The following CRTC2 variants were observed in gnomAD, a reference collection of about 807,000 sequenced individuals.
The protein encoded by CRTC2 is CREB-regulated transcription coactivator 2.
Under a neutral mutation model 70.9 loss-of-function variants are expected in CRTC2, and 25 were observed. The observed-to-expected ratio is 0.35, with a 90% CI of 0.26 to 0.49. CRTC2 has a LOEUF of 0.49. CRTC2 is among the 20% of genes least tolerant of loss of function. CRTC2 has a pLI of 0.98. For synonymous variants in CRTC2, 330 were observed against 364.1 expected (o/e 0.91, Z 1.07); for missense variants, 737 against 882.6 (o/e 0.83, Z 2.09).
chr1:153,952,975 A>G, intron 6 of CRTC2, 141 bp from the exon 7 acceptor site: 1 of 1,022,904 alleles, frequency 9.8e-7, no homozygotes, highest in Non-Finnish European at 1.5e-6. Context: ...CGAGGTCAGG[A>G]GTTCAAGACC....
chr1:153,948,769 G>A, intron 12 of CRTC2, 125 bp from the exon 13 acceptor site: 1 of 1,110,536 alleles, frequency 9.0e-7, no homozygotes, highest in Non-Finnish European at 1.3e-6. Context: ...AATGACAGAG[G>A]GAGGTGGCAG....
chr1:153,954,609 C>CA (rs371988210), intron 3 of CRTC2, among the ~76,000 whole-genome samples: 11 of 152,196 alleles, frequency 7.2e-5, no homozygotes, highest in Admixed American at 2.0e-4. Context: ...TAGCAGGAGA[C>CA]AAGGAAGGCT....
At position 153,951,557 on chromosome 1, in the gene CRTC2, G is replaced by T; in HGVS notation, c.1107C>A (p.His369Gln). 6.2e-7 allele frequency: 1 copy of T among 1,611,098 alleles called. No homozygotes were observed. Among genetic ancestry groups the T allele is most frequent in the Non-Finnish European group, 8.5e-7 (1 of 1,178,460 alleles). Residue 369 changes from histidine (H) to glutamine (Q), a missense_variant, in exon 11 of 14, where the codon CAC becomes CAA. His to Gln is a conservative substitution (Grantham distance 24). This residue lies in a region of CRTC2 where 699 missense variants were observed against 823.7 expected (regional missense o/e 0.85). Coordinates refer to ENST00000368633, the MANE Select transcript of CRTC2 (RefSeq NM_181715.3). Reference sequence around the variant, plus strand: ...CCAAGGAGGAGGCAGGCAGAGAGGGGTGGCTGTGGGAGCCCTGAAGCTGGG... The same window carrying T: ...CCAAGGAGGAGGCAGGCAGAGAGGGTTGGCTGTGGGAGCCCTGAAGCTGGG... ...PQPQLQGSHS[H>Q]PSLPASSLAR...
Position 153,948,568 on chromosome 1 carries a change from A to G in CRTC2, c.1751T>C (p.Phe584Ser). ...DPPGFSEGPG[F>S]LGGEGPMGGP... The stretch of plus-strand genomic sequence containing the variant: ...ACCCATTGGCCCCTCACCCCCTAAA[A>G]ATCCAGGCCCTTCAGAAAAGCCAGG... The change falls in exon 13 of 14, where the codon TTT becomes TCT. Residue 584 changes from phenylalanine (F) to serine (S), a missense_variant. Around this residue, in one of 3 missense-constraint regions of CRTC2, gnomAD observed 699 missense variants for 823.7 expected, o/e 0.85. Coordinates refer to ENST00000368633, the MANE Select transcript of CRTC2 (RefSeq NM_181715.3). 1 of 1,610,512 alleles carries G rather than the reference A, an allele frequency of 6.2e-7. No homozygotes were observed. The highest frequency in any genetic ancestry group is 8.5e-7 in the Non-Finnish European group (1 of 1,178,682).
At chr1:153,952,745 C>T in intron 7 of CRTC2, 60 bp downstream of exon 7, 1 of 1,612,194 alleles carries the variant, frequency 6.2e-7, no homozygotes, top group Middle Eastern at 1.7e-4. Context: ...TGCACACAAT[C>T]CCAACACCAG....
intron 1 of CRTC2, among the ~76,000 whole-genome samples, chr1:153,955,711 G>T (rs1680588245): frequency 1.4e-5 from 2 of 141,100 alleles, no homozygotes; most frequent in South Asian, 2.4e-4. Flanking sequence ...AAAAAATAAA[G>T]AAATTATCTG....
rs1200830797 is a variant in CRTC2, at chr1:153,953,251, G to A, written c.607+15C>T. On this transcript the variant is annotated intron_variant, in intron 6 of 13. Coordinates refer to ENST00000368633, the MANE Select transcript of CRTC2 (RefSeq NM_181715.3). ...GCTCCATGGTTACTCCCAACCCTGG[G>A]ACAGGGCCACTTACCCCCACGTCGG... 6.8e-7 allele frequency: 1 copy of A among 1,467,416 alleles called. No homozygotes were observed. Among genetic ancestry groups the A allele is most frequent in the Non-Finnish European group, 9.3e-7 (1 of 1,071,618 alleles). The allele number at this position is 1,467,416 out of a possible 1,614,324, so 90.9% of individuals were successfully genotyped here.
chr1:153,948,491 G>A lies in CRTC2; in HGVS notation c.1828C>T (p.Arg610Cys), dbSNP rs768140494. Reference sequence around the variant, plus strand: ...ATGATGTTAGGCCCTGAGCCATGGCGGGAACAGTGGGTCAAGTTCTGGTGG... The same window carrying A: ...ATGATGTTAGGCCCTGAGCCATGGCAGGAACAGTGGGTCAAGTTCTGGTGG... ...FNHQNLTHCSRHGSGPNIILT... is the reference protein window; with the variant it reads ...FNHQNLTHCSCHGSGPNIILT... The change falls in exon 13 of 14, where the codon CGC becomes TGC. Residue 610 changes from arginine (R) to cysteine (C), a missense_variant. Coordinates refer to ENST00000368633, the MANE Select transcript of CRTC2 (RefSeq NM_181715.3). 11 of 1,609,464 alleles carry A rather than the reference G, an allele frequency of 6.8e-6. No individual in the cohort carries two copies. The highest frequency in any genetic ancestry group is 2.7e-5 in the African/African-American group (2 of 74,808).
chr1:153,953,534 TC>T lies in CRTC2; in HGVS notation c.503+3del. The stretch of plus-strand genomic sequence containing the variant: ...TCTGGCCTAAAGAAGGCAAAAGCCA[TC>T]ACCTGTTAAGTGCAGATGGTAGTCG... On this transcript the variant is annotated splice_donor_region_variant and intron_variant, in intron 5 of 13. Transcript: ENST00000368633. 6.2e-7 allele frequency: 1 copy of T among 1,609,932 alleles called. No individual in the cohort carries two copies. Among genetic ancestry groups the T allele is most frequent in the Non-Finnish European group, 8.5e-7 (1 of 1,178,468 alleles).
intron 1 of CRTC2, among the ~76,000 whole-genome samples, chr1:153,955,542 G>A (rs1460360980): frequency 6.8e-6 from 1 of 146,662 alleles, no homozygotes; most frequent in Non-Finnish European, 1.5e-5. Flanking sequence ...ACTGCAGCCT[G>A]GGCAACAGAG....
Position 153,954,208 on chromosome 1 carries a change from A to G in CRTC2, c.434+47T>C, listed in dbSNP as rs752840722. On this transcript the variant is annotated intron_variant, in intron 4 of 13. Coordinates refer to ENST00000368633, the MANE Select transcript of CRTC2 (RefSeq NM_181715.3). ...CCAGAAGGGGCAACTCCTTCCAGAA[A>G]CACGTCAGAGAGTAGGCAGGAGCTT... 4 of 1,475,162 alleles carry G rather than the reference A, an allele frequency of 2.7e-6. No homozygotes were observed. In the South Asian group the frequency reaches 4.6e-5, roughly 17 times the overall value. The allele number at this position is 1,475,162 out of a possible 1,614,324, so 91.4% of individuals were successfully genotyped here.
chr1:153,954,108 T>C (rs1680495203), intron 4 of CRTC2, 147 bp downstream of exon 4: 2 of 674,042 alleles, frequency 3.0e-6, no homozygotes, highest in Non-Finnish European at 5.4e-6. Context: ...ACTCCAACTG[T>C]CTCCACCTCT....
intron 10 of CRTC2, 139 bp downstream of exon 10, chr1:153,951,879 C>T: frequency 7.9e-7 from 1 of 1,264,626 alleles, no homozygotes; most frequent in Non-Finnish European, 1.1e-6. Flanking sequence ...CTGAGAACTG[C>T]CGTGAGGGAA....
At chr1:153,956,017 G>C (rs912555543) in intron 1 of CRTC2, among the ~76,000 whole-genome samples, 2 of 152,178 alleles carry the variant, frequency 1.3e-5, no homozygotes, top group African/African-American at 4.8e-5. Flanking sequence ...TAAGAGGAAG[G>C]CCACAGGTGG....
At position 153,947,897 on chromosome 1, in the gene CRTC2, C is replaced by A; in HGVS notation, c.*212G>T. ...GGTTCAAAGTTACAAGTGCTTTAGGCCCTCCCTTGAGTTCCCCCAGGCCCA... is the reference window on the plus strand; with the variant it reads ...GGTTCAAAGTTACAAGTGCTTTAGGACCTCCCTTGAGTTCCCCCAGGCCCA... On this transcript the variant is annotated 3_prime_UTR_variant, in exon 14 of 14. Transcript: ENST00000368633. 3.4e-6 allele frequency: 2 copies of A among 596,442 alleles called. No individual in the cohort carries two copies. Among genetic ancestry groups the A allele is most frequent in the African/African-American group, 1.9e-5 (1 of 53,838 alleles). The allele number at this position is 596,442 out of a possible 1,614,324, so 36.9% of individuals were successfully genotyped here.
chr1:153,951,529 G>A lies in CRTC2; in HGVS notation c.1135C>T (p.Arg379Cys), dbSNP rs150423770. The change falls in exon 11 of 14, where the codon CGC becomes TGC. Residue 379 changes from arginine to cysteine, a missense_variant. By Grantham distance (180) the Arg-to-Cys change is radical. Transcript: ENST00000368633. ...AGGGAGGTGGTGGGCAGTACATGGC[G>A]GGCCAAGGAGGAGGCAGGCAGAGAG... ...HPSLPASSLA[R>C]HVLPTTSLGH... 986 of 1,605,850 alleles carry A rather than the reference G, an allele frequency of 6.1e-4. 13 individuals are homozygous for A. The East Asian group carries it at 0.018, about 30-fold the overall frequency.
chr1:153,948,320 G>A lies in CRTC2; in HGVS notation c.1871C>T (p.Ser624Phe), dbSNP rs761404357. The A allele has an allele frequency of 1.9e-6, 3 of 1,614,266 alleles. No individual in the cohort carries two copies. Among genetic ancestry groups the A allele is most frequent in the Non-Finnish European group, 2.5e-6 (3 of 1,180,052 alleles). ...GPNIILTGDSSPGFSKEIAAA... is the reference protein window; with the variant it reads ...GPNIILTGDSFPGFSKEIAAA... ...TGCAATCTCCTTAGAGAAACCTGGA[G>A]AGGAGTCCCCTGTGGGTAGAAGAGA... Residue 624 changes from serine to phenylalanine, a missense_variant, in exon 14 of 14, where the codon TCT becomes TTT. Physicochemically the swap from Ser to Phe is radical, Grantham distance 155. Around this residue, in one of 3 missense-constraint regions of CRTC2, gnomAD observed 699 missense variants for 823.7 expected, o/e 0.85. Transcript: ENST00000368633.
chr1:153,948,080 C>T lies in CRTC2; in HGVS notation c.*29G>A, dbSNP rs754614677. On this transcript the variant is annotated 3_prime_UTR_variant, in exon 14 of 14. Coordinates refer to ENST00000368633, the MANE Select transcript of CRTC2 (RefSeq NM_181715.3). ...AAAGGAATGGTGGTGGGGGATGGGG[C>T]CAAGAAGAGGGATGGTGATGAGGTG... 6 of 1,606,302 alleles carry T rather than the reference C, an allele frequency of 3.7e-6. No individual in the cohort carries two copies. Among genetic ancestry groups the T allele is most frequent in the Admixed American group, 3.3e-5 (2 of 59,886 alleles).
chr1:153,956,145 T>G (rs1478659287), intron 1 of CRTC2, among the ~76,000 whole-genome samples: 2 of 152,134 alleles, frequency 1.3e-5, no homozygotes, highest in Non-Finnish European at 2.9e-5. Flanking sequence ...CCTCCCAAAC[T>G]AGAACATCCA....
Sources: gnomAD v4.1 joint callset for allele counts (sites outside exome capture counted in the v4.1 genomes callset) on GRCh38, gnomAD v4.1.1 for gene constraint, gnomAD v4.1.1 regional missense constraint, MANE v1.5 for transcripts, NCBI Gene and HGNC (gene_info 2026-07-23, HGNC 2026-07-21) for gene names.